The following SRP19 variants were observed in gnomAD, a reference collection of about 807,000 sequenced individuals.
The protein encoded by SRP19 is signal recognition particle 19 kDa protein.
SRP19 carries 11 observed loss-of-function variants against 22.4 expected under a neutral mutation model. The ratio of observed to expected loss-of-function variants is 0.49; its 90% CI spans 0.31 to 0.81. The LOEUF is 0.81. SRP19 is among the 40% of genes least tolerant of loss of function. SRP19 has a pLI of 0.05. For synonymous variants in SRP19, 61 were observed against 57.6 expected (o/e 1.06, Z -0.27); for missense variants, 168 against 175.9 (o/e 0.96, Z 0.25).
chr5:112,862,861 G>A (rs1379000995), intron 2 of SRP19, among the ~76,000 whole-genome samples: 1 of 152,144 alleles, frequency 6.6e-6, no homozygotes, highest in Non-Finnish European at 1.5e-5. Flanking sequence ...TAAAACAAAG[G>A]TTATGACGGT....
At chr5:112,861,461 T>C in intron 1 of SRP19, 44 bp downstream of exon 1, 5 of 1,603,716 alleles carry the variant, frequency 3.1e-6, no homozygotes, top group Non-Finnish European at 4.3e-6. Flanking sequence ...AGGGGCTTGC[T>C]GTGGTGCTGC....
intron 4 of SRP19, among the ~76,000 whole-genome samples, chr5:112,880,662 C>T (rs572465811): frequency 6.6e-6 from 1 of 152,210 alleles, no homozygotes; most frequent in African/African-American, 2.4e-5. Context: ...TATTTTAATT[C>T]TCTTGCCCCT....
downstream of SRP19, among the ~76,000 whole-genome samples, chr5:112,871,052 C>T (rs925939923): frequency 1.3e-5 from 2 of 152,088 alleles, no homozygotes; most frequent in African/African-American, 2.4e-5. Flanking sequence ...TGGGGTTTCA[C>T]CATGTTGGCC....
At chr5:112,878,897 T>C in intron 4 of SRP19, 1 of 1,612,922 alleles carries the variant, frequency 6.2e-7, no homozygotes, top group Non-Finnish European at 8.5e-7. Flanking sequence ...AATGCAAGCT[T>C]GCAAGCTTTG....
At chr5:112,863,736 C>T (rs974829648) in intron 2 of SRP19, among the ~76,000 whole-genome samples, 4 of 151,500 alleles carry the variant, frequency 2.6e-5, no homozygotes, top group South Asian at 2.1e-4. Context: ...GTAGTCTCAG[C>T]GCACTGCAGG....
downstream of SRP19, chr5:112,896,001 T>G (rs1231429149): frequency 6.6e-6 from 1 of 152,446 alleles, no homozygotes; most frequent in African/African-American, 2.4e-5. Flanking sequence ...CCGTCTGTGC[T>G]TCTAATGCTG....
Position 112,862,541 on chromosome 5 carries a change from T to G in SRP19, c.75T>G (p.Asn25Lys). The change falls in exon 2 of 5, where the codon AAT becomes AAG. Residue 25 changes from asparagine to lysine, a missense_variant. Physicochemically the swap from Asn to Lys is moderately conservative, Grantham distance 94 (BLOSUM62 0). Transcript: ENST00000505459. ...GTATCTATCCTGCTTATTTAAATAA[T>G]AAGAAGACCATCGCAGAGGGAAGGC... ...FICIYPAYLN[N>K]KKTIAEGRRI... The G allele has an allele frequency of 3.7e-6, 6 of 1,614,016 alleles. No homozygotes were observed. The highest frequency in any genetic ancestry group is 1.1e-5 in the South Asian group (1 of 91,052).
At chr5:112,874,327 T>C (rs1254665666), downstream of SRP19, among the ~76,000 whole-genome samples, 1 of 152,152 alleles carries the variant, frequency 6.6e-6, no homozygotes. Context: ...TACTAGTTTC[T>C]ACCAGTGGGT....
chr5:112,878,896 T>C (rs1484837471), intron 4 of SRP19: 5 of 1,612,716 alleles, frequency 3.1e-6, no homozygotes, highest in Non-Finnish European at 4.2e-6. Flanking sequence ...GAATGCAAGC[T>C]TGCAAGCTTT....
chr5:112,871,297 C>T (rs1183010704), downstream of SRP19, among the ~76,000 whole-genome samples: 4 of 61,360 alleles, frequency 6.5e-5, no homozygotes, highest in Non-Finnish European at 1.2e-4. Context: ...AAACTGTAAT[C>T]TTTTTAAAAC....
chr5:112,861,346 C>T lies in SRP19; in HGVS notation c.-31C>T, dbSNP rs373526148. ...CGGGTTTCTGCCGGGTTTCTCCCTG[C>T]GGCTCCTGGGTTGTTGAGACTCTTG... On this transcript the variant is annotated 5_prime_UTR_variant, in exon 1 of 5. Coordinates refer to ENST00000505459, the MANE Select transcript of SRP19 (RefSeq NM_003135.3). 3 of 1,613,992 alleles carry T rather than the reference C, an allele frequency of 1.9e-6. No homozygotes were observed. The highest frequency in any genetic ancestry group is 2.2e-5 in the South Asian group (2 of 91,080).
At chr5:112,897,297 T>C (rs1253274057), downstream of SRP19, 5 of 148,266 alleles carry the variant, frequency 3.4e-5, no homozygotes, top group Non-Finnish European at 7.5e-5. Context: ...GGAAGACTAC[T>C]CTAAGATGTA....
chr5:112,881,974 GT>G (rs1768091337), intron 4 of SRP19: 1 of 149,028 alleles, frequency 6.7e-6, no homozygotes, highest in South Asian at 2.1e-4. Context: ...GTTTCACCAT[GT>G]TACTCAGGCT....
intron 4 of SRP19, among the ~76,000 whole-genome samples, chr5:112,891,177 G>A (rs818424): frequency 0.45 from 65,043 of 146,096 alleles, 16,697 homozygotes; most frequent in African/African-American, 0.71. Flanking sequence ...GGTTCAAGCA[G>A]TTCTCCTGCC....
downstream of SRP19, among the ~76,000 whole-genome samples, chr5:112,873,041 C>T (rs931323186): frequency 6.7e-6 from 1 of 149,278 alleles, no homozygotes; most frequent in Non-Finnish European, 1.5e-5. Flanking sequence ...TATCATGATC[C>T]TGGTTCCAGT....
rs774703593 is a variant in SRP19 at position 112,891,746 on chromosome 5, G to T, written c.*139G>T. 1.9e-6 allele frequency: 3 copies of T among 1,613,966 alleles called. No homozygotes were observed. The African/African-American group carries it at 4.0e-5, about 22-fold the overall frequency. On this transcript the variant is annotated 3_prime_UTR_variant, in exon 5 of 5. Transcript: ENST00000391338. Reference sequence around the variant, plus strand: ...CTGAAGAAGGAGAAACGAAAGAAACGTCGGCAGGAACTTGCTCGACTGAGA... The same window carrying T: ...CTGAAGAAGGAGAAACGAAAGAAACTTCGGCAGGAACTTGCTCGACTGAGA...
At chr5:112,871,851 A>C (rs766801187), downstream of SRP19, among the ~76,000 whole-genome samples, 72 of 152,222 alleles carry the variant, frequency 4.7e-4, no homozygotes, top group Non-Finnish European at 8.7e-4. Context: ...GACTAGAGGT[A>C]CATGGCACCA....
At chr5:112,892,010 G>C (rs1461891951) in exon 5 of SRP19, 1 of 1,298,564 alleles carries the variant, frequency 7.7e-7, no homozygotes, top group East Asian at 2.3e-5. Context: ...AGGAAAGAGA[G>C]AGAAGAGGAG....
chr5:112,867,691 G>T lies in SRP19; in HGVS notation c.*154G>T. On this transcript the variant is annotated 3_prime_UTR_variant, in exon 5 of 5. Coordinates refer to ENST00000505459, the MANE Select transcript of SRP19 (RefSeq NM_003135.3). ...CATCTTTATCATCGGAGTTGACAGT[G>T]AAACAAATTTACATCAGAAGTTTGC... 1.5e-6 allele frequency: 2 copies of T among 1,352,022 alleles called. No homozygotes were observed. The highest frequency in any genetic ancestry group is 9.5e-7 in the Non-Finnish European group (1 of 1,048,504). The allele number at this position is 1,352,022 out of a possible 1,614,324, so 83.8% of individuals were successfully genotyped here. A position where few individuals can be genotyped will look rare whatever the true frequency, so the allele number is the denominator to read the frequency against.
Sources: gnomAD v4.1 joint callset for allele counts (sites outside exome capture counted in the v4.1 genomes callset) on GRCh38, gnomAD v4.1.1 for gene constraint, MANE v1.5 for transcripts, NCBI Gene and HGNC (gene_info 2026-07-23, HGNC 2026-07-21) for gene names.